Variants in TTC29 observed in about 807,000 individuals in gnomAD.
TTC29 encodes the protein tetratricopeptide repeat protein 29.
Under a neutral mutation model 58.1 loss-of-function variants are expected in TTC29, and 49 were observed. That is an observed-to-expected ratio of 0.84 (90% confidence interval 0.67 to 1.07). The LOEUF (loss-of-function observed/expected upper bound fraction) is 1.07, where lower values mean the gene tolerates loss of function less well. Ranked by LOEUF, TTC29 falls within the 50% of genes least tolerant of loss-of-function variation. The pLI is 0.00. For synonymous variants in TTC29, 209 were observed against 196.8 expected (o/e 1.06, Z -0.52); for missense variants, 582 against 555.6 (o/e 1.05, Z -0.48).
At chr4:146,855,291 G>A (rs1226465842) in intron 8 of TTC29, among the ~76,000 whole-genome samples, 2 of 152,104 alleles carry the variant, frequency 1.3e-5, no homozygotes, top group Non-Finnish European at 2.9e-5. Context: ...AAATCAGCTG[G>A]GCATGGTGGT....
intron 10 of TTC29, among the ~76,000 whole-genome samples, chr4:146,818,467 C>A (rs1265287077): frequency 1.3e-5 from 2 of 152,306 alleles, no homozygotes; most frequent in African/African-American, 4.8e-5. Flanking sequence ...GAAATAGGAA[C>A]ACTTTTACAC....
At chr4:146,874,334 G>A (rs1018650538) in intron 7 of TTC29, among the ~76,000 whole-genome samples, 2 of 152,072 alleles carry the variant, frequency 1.3e-5, no homozygotes, top group African/African-American at 2.4e-5. Flanking sequence ...CTTATTACCT[G>A]ACCATGGGGA....
At chr4:146,939,662 C>G (rs1188865321) in intron 3 of TTC29, 142 bp downstream of exon 3, 1 of 710,868 alleles carries the variant, frequency 1.4e-6, no homozygotes, top group Non-Finnish European at 2.3e-6. Context: ...CCTTTTGAAA[C>G]AGCAGATTTC....
chr4:146,809,837 T>C (rs951220464), intron 10 of TTC29, among the ~76,000 whole-genome samples: 2 of 149,768 alleles, frequency 1.3e-5, no homozygotes, highest in Non-Finnish European at 3.0e-5. Flanking sequence ...AGTCCAACCA[T>C]TGCAGAAGAC....
In TTC29 at chr4:146,767,705, C is replaced by T. The variant is rs563295844; in HGVS notation, c.1330+35752G>A. ...TTCTCAAGGATACATGCATAATTTGCGAGTCAAGCTCTAGGTCAGCTACAT... is the reference window on the plus strand; with the variant it reads ...TTCTCAAGGATACATGCATAATTTGTGAGTCAAGCTCTAGGTCAGCTACAT... On this transcript the variant is annotated intron_variant, in intron 11 of 12. Coordinates refer to ENST00000325106, the MANE Select transcript of TTC29 (RefSeq NM_031956.4). Among the ~76,000 whole-genome samples the T allele has an allele frequency of 5.3e-5, 8 of 152,130 alleles. No homozygotes were observed. The South Asian group carries it at 1.2e-3, about 24-fold the overall frequency.
chr4:146,930,263 C>T (rs1735241401), intron 4 of TTC29, among the ~76,000 whole-genome samples: 1 of 151,328 alleles, frequency 6.6e-6, no homozygotes, highest in Non-Finnish European at 1.5e-5. Context: ...AAAGCATCTC[C>T]TACAAACTTA....
At chr4:146,780,302 GGT>G (rs57951745) in intron 11 of TTC29, among the ~76,000 whole-genome samples, 6,383 of 138,406 alleles carry the variant, frequency 0.046, 157 homozygotes, top group East Asian at 0.061. Context: ...CCTAACTTGG[GGT>G]GTGTGTGTGT....
Position 146,902,641 on chromosome 4 carries a change from C to T in TTC29, c.586+903G>A, listed in dbSNP as rs561777891. 1.1e-4 allele frequency among the ~76,000 whole-genome samples: 16 copies of T among 152,144 alleles called. No individual in the cohort carries two copies. In the East Asian group the frequency reaches 2.1e-3, roughly 20 times the overall value. ...CCTTGCCAGTCCCTCCTGATTGCAT[C>T]GTGCCTTCCTTGAATCTAGTCTGCA... On this transcript the variant is annotated intron_variant, in intron 6 of 12. Coordinates refer to ENST00000325106, the MANE Select transcript of TTC29 (RefSeq NM_031956.4).
chr4:146,728,804 CACATATATAT>C lies in TTC29; in HGVS notation c.1331-21263_1331-21254del, dbSNP rs1561066375. On this transcript the variant is annotated intron_variant, in intron 11 of 12. Transcript: ENST00000325106. ...ATATGTGTATATATACGTATATATA[CACATATATAT>C]GTGTATATATACATATATATACACA... Among the ~76,000 whole-genome samples the C allele has an allele frequency of 7.8e-5, 9 of 115,516 alleles. 1 individual carries two copies. Among genetic ancestry groups the C allele is most frequent in the South Asian group, 5.3e-4 (2 of 3,794 alleles). The allele number at this position is 115,516 out of a possible 152,430, so 75.8% of individuals were successfully genotyped here.
intron 10 of TTC29, among the ~76,000 whole-genome samples, chr4:146,810,714 C>T (rs1403358880): frequency 6.6e-6 from 1 of 151,508 alleles, no homozygotes; most frequent in Non-Finnish European, 1.5e-5. Context: ...CCTCAGCCTC[C>T]CGAGTAGCTG....
intron 8 of TTC29, among the ~76,000 whole-genome samples, chr4:146,867,009 CAGACTG>C (rs1166561446): frequency 6.6e-6 from 1 of 152,136 alleles, no homozygotes; most frequent in Admixed American, 6.6e-5. Context: ...GGCTACTTCT[CAGACTG>C]AGACTAACAC....
chr4:146,925,206 G>C (rs560948760), intron 4 of TTC29, among the ~76,000 whole-genome samples: 1 of 152,136 alleles, frequency 6.6e-6, no homozygotes, highest in South Asian at 2.1e-4. Flanking sequence ...TATTCTGTAA[G>C]TGTCAATTAC....
At chr4:146,929,509 G>T (rs1397230197) in intron 4 of TTC29, among the ~76,000 whole-genome samples, 1 of 152,180 alleles carries the variant, frequency 6.6e-6, no homozygotes, top group Non-Finnish European at 1.5e-5. Flanking sequence ...ATATAGGCAA[G>T]CTAGTTAAAT....
At chr4:146,863,920 A>G (rs770210277) in intron 8 of TTC29, among the ~76,000 whole-genome samples, 8 of 152,142 alleles carry the variant, frequency 5.3e-5, no homozygotes, top group Non-Finnish European at 1.2e-4. Context: ...GCCCATCCAC[A>G]TAGGGGAAGG....
intron 6 of TTC29, among the ~76,000 whole-genome samples, chr4:146,898,200 CCTCT>C (rs1455293508): frequency 6.6e-6 from 1 of 152,158 alleles, no homozygotes; most frequent in Non-Finnish European, 1.5e-5. Flanking sequence ...AATTCTAACT[CCTCT>C]CTATGAGATC....
At chr4:146,878,546 G>A (rs1223730715) in intron 6 of TTC29, among the ~76,000 whole-genome samples, 1 of 152,144 alleles carries the variant, frequency 6.6e-6, no homozygotes, top group Non-Finnish European at 1.5e-5. Flanking sequence ...TTTCATAAGT[G>A]ATGATTAGGA....
In TTC29 at chr4:146,866,724, C is replaced by G. The variant is rs549314591; in HGVS notation, c.885+774G>C. On this transcript the variant is annotated intron_variant, in intron 8 of 12. Coordinates refer to ENST00000325106, the MANE Select transcript of TTC29 (RefSeq NM_031956.4). ...TTGTAAGGGGGCTAGAGGAAAATATCTAGCCCAAATATAGGAATTCTACTT... is the reference window on the plus strand; with the variant it reads ...TTGTAAGGGGGCTAGAGGAAAATATGTAGCCCAAATATAGGAATTCTACTT... 7.4e-4 allele frequency among the ~76,000 whole-genome samples: 113 copies of G among 152,190 alleles called. 1 individual carries two copies. The highest frequency in any genetic ancestry group is 1.4e-3 in the Non-Finnish European group (93 of 68,004).
chr4:146,930,586 T>C (rs1169975131), intron 4 of TTC29, among the ~76,000 whole-genome samples: 2 of 152,210 alleles, frequency 1.3e-5, no homozygotes, highest in Admixed American at 1.3e-4. Flanking sequence ...AGGGAGATGA[T>C]TTCTCCATAG....
At chr4:146,869,809 A>T (rs1730812362) in intron 7 of TTC29, among the ~76,000 whole-genome samples, 3 of 152,152 alleles carry the variant, frequency 2.0e-5, no homozygotes, top group Non-Finnish European at 2.9e-5. Context: ...AAGCATGAGA[A>T]CTTTTCTTGT....
Sources: gnomAD v4.1 joint callset for allele counts (sites outside exome capture counted in the v4.1 genomes callset) on GRCh38, gnomAD v4.1.1 for gene constraint, MANE v1.5 for transcripts, NCBI Gene and HGNC (gene_info 2026-07-23, HGNC 2026-07-21) for gene names.